Variants in LRRC3B observed in about 807,000 individuals in gnomAD.
The protein encoded by LRRC3B is leucine-rich repeat-containing protein 3B.
Under a neutral mutation model 12.8 loss-of-function variants are expected in LRRC3B, and 2 were observed. That is an observed-to-expected ratio of 0.16 (90% CI 0.06 to 0.49). The LOEUF (loss-of-function observed/expected upper bound fraction) is 0.49. Among genes scored for constraint, LRRC3B ranks in the 20% least tolerant of loss-of-function variants. The pLI, the probability that LRRC3B is intolerant of heterozygous loss-of-function variation, is 0.96. For synonymous variants in LRRC3B, 132 were observed against 122.0 expected (o/e 1.08, Z -0.54); for missense variants, 189 against 319.4 (o/e 0.59, Z 3.11).
chr3:26,655,017 T>C (rs959451288), intron 1 of LRRC3B, among the ~76,000 whole-genome samples: 31 of 152,160 alleles, frequency 2.0e-4, no homozygotes, highest in Non-Finnish European at 1.5e-5. Flanking sequence ...ATAAAGGATA[T>C]CTACGTCTTC....
intron 1 of LRRC3B, among the ~76,000 whole-genome samples, chr3:26,695,369 T>C (rs1163140460): frequency 6.6e-6 from 1 of 151,978 alleles, no homozygotes; most frequent in Non-Finnish European, 1.5e-5. Context: ...CTACTAAAAA[T>C]ACAAAAAATT....
intron 1 of LRRC3B, among the ~76,000 whole-genome samples, chr3:26,631,944 T>C (rs1216391595): frequency 6.6e-6 from 1 of 152,246 alleles, no homozygotes; most frequent in Non-Finnish European, 1.5e-5. Context: ...TTTTACTCCA[T>C]ATGATGTCTT....
At chr3:26,633,846 C>A (rs1040188630) in intron 1 of LRRC3B, among the ~76,000 whole-genome samples, 3 of 152,070 alleles carry the variant, frequency 2.0e-5, no homozygotes, top group African/African-American at 7.2e-5. Flanking sequence ...CCTTTTAGTC[C>A]TTTTTTTAAA....
chr3:26,627,728 C>T (rs988698649), intron 1 of LRRC3B, among the ~76,000 whole-genome samples: 8 of 152,040 alleles, frequency 5.3e-5, no homozygotes, highest in South Asian at 2.1e-4. Context: ...ATTCATTTTC[C>T]GGAGAATTCA....
intron 1 of LRRC3B, among the ~76,000 whole-genome samples, chr3:26,685,465 T>C (rs1700056085): frequency 7.5e-6 from 1 of 133,338 alleles, no homozygotes; most frequent in African/African-American, 2.9e-5. Context: ...GATACCCAAC[T>C]AAGATATGGT....
intron 1 of LRRC3B, among the ~76,000 whole-genome samples, chr3:26,686,314 C>G (rs914963407): frequency 6.6e-6 from 1 of 152,156 alleles, no homozygotes; most frequent in African/African-American, 2.4e-5. Flanking sequence ...CTCCTGGCCT[C>G]GTGATCCGCC....
At chr3:26,631,085 A>T (rs1238879066) in intron 1 of LRRC3B, among the ~76,000 whole-genome samples, 1 of 152,144 alleles carries the variant, frequency 6.6e-6, no homozygotes, top group Non-Finnish European at 1.5e-5. Flanking sequence ...GAAAGTAGAG[A>T]AGACCTTCAG....
chr3:26,697,756 T>G (rs1301892688), intron 1 of LRRC3B, among the ~76,000 whole-genome samples: 2 of 152,160 alleles, frequency 1.3e-5, no homozygotes, highest in Non-Finnish European at 2.9e-5. Context: ...CATTTTAGCA[T>G]TTAAATCAGA....
chr3:26,637,589 C>A (rs1698930785), intron 1 of LRRC3B, among the ~76,000 whole-genome samples: 1 of 152,166 alleles, frequency 6.6e-6, no homozygotes, highest in South Asian at 2.1e-4. Flanking sequence ...TGGATAGCAG[C>A]CATCTCTAGT....
intron 1 of LRRC3B, among the ~76,000 whole-genome samples, chr3:26,677,925 G>A (rs768525451): frequency 2.0e-5 from 3 of 151,942 alleles, no homozygotes; most frequent in Non-Finnish European, 4.4e-5. Context: ...CTCAGTTCCC[G>A]AGTAGCTGGG....
chr3:26,654,737 T>G (rs1699335639), intron 1 of LRRC3B, among the ~76,000 whole-genome samples: 1 of 152,206 alleles, frequency 6.6e-6, no homozygotes, highest in Non-Finnish European at 1.5e-5. Flanking sequence ...AGTGCTTGGA[T>G]ACCAGGCTGA....
chr3:26,656,647 T>A (rs1207736280), intron 1 of LRRC3B, among the ~76,000 whole-genome samples: 1 of 152,174 alleles, frequency 6.6e-6, no homozygotes, highest in Non-Finnish European at 1.5e-5. Context: ...AAGAAATGAA[T>A]TTTAGAGAGA....
chr3:26,693,127 G>A (rs573400655), intron 1 of LRRC3B, among the ~76,000 whole-genome samples: 84 of 151,798 alleles, frequency 5.5e-4, no homozygotes, highest in African/African-American at 2.0e-3. Flanking sequence ...TCAGGAGATC[G>A]AGACCATCCT....
At chr3:26,699,135 C>A (rs1291044604) in intron 1 of LRRC3B, among the ~76,000 whole-genome samples, 1 of 152,066 alleles carries the variant, frequency 6.6e-6, no homozygotes, top group East Asian at 1.9e-4. Context: ...TGGTCTGATG[C>A]TTTCCTCTTG....
At chr3:26,710,764 G>T in exon 2 of LRRC3B, 2 of 201,598 alleles carry the variant, frequency 9.9e-6, no homozygotes, top group South Asian at 1.4e-4. Context: ...GCTTAACTTT[G>T]AACCATGGAA....
intron 1 of LRRC3B, among the ~76,000 whole-genome samples, chr3:26,643,435 A>T (rs1699076550): frequency 6.6e-6 from 1 of 152,280 alleles, no homozygotes; most frequent in African/African-American, 2.4e-5. Flanking sequence ...TGGTTATGTC[A>T]GCCCAGGGCT....
At chr3:26,697,487 T>G (rs1288587248) in intron 1 of LRRC3B, among the ~76,000 whole-genome samples, 1 of 151,736 alleles carries the variant, frequency 6.6e-6, no homozygotes, top group East Asian at 2.1e-4. Flanking sequence ...TCTTTCCATC[T>G]CAAGATCCTT....
chr3:26,626,435 A>G (rs1246415747), intron 1 of LRRC3B, among the ~76,000 whole-genome samples: 1 of 152,162 alleles, frequency 6.6e-6, no homozygotes, highest in African/African-American at 2.4e-5. Flanking sequence ...GGGATCTCAG[A>G]TATTATCCCA....
intron 1 of LRRC3B, among the ~76,000 whole-genome samples, chr3:26,677,087 G>A (rs550806984): frequency 6.6e-6 from 1 of 152,116 alleles, no homozygotes; most frequent in Admixed American, 6.5e-5. Flanking sequence ...GAGTCAAGAA[G>A]GTGAGTCATC....
Sources: allele counts gnomAD v4.1 joint callset (sites outside exome capture counted in the v4.1 genomes callset), GRCh38; gene constraint gnomAD v4.1.1; transcripts MANE v1.5; gene names NCBI Gene and HGNC (gene_info 2026-07-23, HGNC 2026-07-21).